BAG2: variants seen among roughly 807,000 people sequenced by gnomAD.
The protein encoded by BAG2 is BAG family molecular chaperone regulator 2.
BAG2 carries 8 observed loss-of-function variants against 16.4 expected under a neutral mutation model. The ratio of observed to expected loss-of-function variants is 0.49; its 90% CI spans 0.29 to 0.88. The LOEUF (loss-of-function observed/expected upper bound fraction) is 0.88. Among genes scored for constraint, BAG2 ranks in the 40% least tolerant of loss-of-function variants. The pLI is 0.09. For missense variants in BAG2, 218 were observed against 248.9 expected (o/e 0.88, Z 0.84); for synonymous variants, 82 against 89.2 (o/e 0.92, Z 0.46).
At chr6:57,179,789 A>G (rs1299914297) in intron 1 of BAG2, among the ~76,000 whole-genome samples, 1 of 152,080 alleles carries the variant, frequency 6.6e-6, no homozygotes, top group Non-Finnish European at 1.5e-5. Context: ...ATGTGTGTGT[A>G]TAGTGTGAGT....
In BAG2 at chr6:57,188,767, T is replaced by TAATG. The variant is rs1379320096; in HGVS notation, c.*4580_*4583dup. 2.6e-5 allele frequency: 4 copies of TAATG among 152,186 alleles called. No homozygotes were observed. Among genetic ancestry groups the TAATG allele is most frequent in the Non-Finnish European group, 5.9e-5 (4 of 68,022 alleles). The allele number at this position is 152,186 out of a possible 1,614,324, so 9.4% of individuals were successfully genotyped here. ...TAGATAATGCCAGATCATTTCAATA[T>TAATG]AATGAAAAGCAAAAATTTACTTTTT... is the stretch of plus-strand genomic sequence containing the variant. On this transcript the variant is annotated 3_prime_UTR_variant, in exon 3 of 3. Transcript: ENST00000370693.
intron 2 of BAG2, among the ~76,000 whole-genome samples, chr6:57,182,735 C>T (rs9357939): frequency 0.089 from 13,541 of 152,154 alleles, 666 homozygotes; most frequent in East Asian, 0.095. Context: ...ACTGCAACCT[C>T]TGCCTCCTGG....
At chr6:57,180,588 T>A (rs549746186) in intron 1 of BAG2, among the ~76,000 whole-genome samples, 56 of 152,192 alleles carry the variant, frequency 3.7e-4, no homozygotes, top group Non-Finnish European at 5.0e-4. Context: ...AAATGGCTAT[T>A]TGGAAGAAAA....
chr6:57,188,867 G>A lies in BAG2; in HGVS notation c.*4677G>A, dbSNP rs1207445849. ...GATCACTTAACAAGGACACACCCAGGAAATTTGATTTTCTCAACATTAGGA... is the reference window on the plus strand; with the variant it reads ...GATCACTTAACAAGGACACACCCAGAAAATTTGATTTTCTCAACATTAGGA... On this transcript the variant is annotated 3_prime_UTR_variant, in exon 3 of 3. Transcript: ENST00000370693. 1 of 152,038 alleles carries A rather than the reference G, an allele frequency of 6.6e-6. No homozygotes were observed. Among genetic ancestry groups the A allele is most frequent in the African/African-American group, 2.4e-5 (1 of 41,404 alleles). 9.4% of individuals were successfully genotyped at this position (152,038 alleles called of 1,614,324 possible). A position where few individuals can be genotyped will look rare whatever the true frequency, so the allele number is the denominator to read the frequency against.
rs1407821086 is a variant in BAG2, at chr6:57,185,564, A to G, written c.*1374A>G. On this transcript the variant is annotated 3_prime_UTR_variant, in exon 3 of 3. Transcript: ENST00000370693. ...AGTCTCTTTATAAAAAGCAGTTACA[A>G]TCTGAAGACATTCATGTTACTTCCT... is the stretch of plus-strand genomic sequence containing the variant. 3 of 152,218 alleles carry G rather than the reference A, an allele frequency of 2.0e-5. No homozygotes were observed. The East Asian group carries it at 5.8e-4, about 29-fold the overall frequency. 9.4% of individuals were successfully genotyped at this position (152,218 alleles called of 1,614,324 possible). A position where few individuals can be genotyped will look rare whatever the true frequency, so the allele number is the denominator to read the frequency against.
chr6:57,183,354 T>C (rs562929580), intron 2 of BAG2, among the ~76,000 whole-genome samples: 2 of 152,352 alleles, frequency 1.3e-5, no homozygotes, highest in East Asian at 3.9e-4. Context: ...CTATCGTGGC[T>C]ACATTTTCTC....
Position 57,185,593 on chromosome 6 carries a change from C to T in BAG2, c.*1403C>T, listed in dbSNP as rs924393448. On this transcript the variant is annotated 3_prime_UTR_variant, in exon 3 of 3. Coordinates refer to ENST00000370693, the MANE Select transcript of BAG2 (RefSeq NM_004282.4). ...GAAGACATTCATGTTACTTCCTTTG[C>T]CAGCTCCAACTCTGCCTTATTTAAA... The T allele has an allele frequency of 6.6e-6, 1 of 152,148 alleles. No homozygotes were observed. Among genetic ancestry groups the T allele is most frequent in the African/African-American group, 2.4e-5 (1 of 41,440 alleles). The allele number at this position is 152,148 out of a possible 1,614,324, so 9.4% of individuals were successfully genotyped here.
chr6:57,175,438 C>G (rs1051380608), intron 1 of BAG2, among the ~76,000 whole-genome samples: 2 of 152,174 alleles, frequency 1.3e-5, no homozygotes, highest in African/African-American at 4.8e-5. Flanking sequence ...CTCTGACCTT[C>G]TTTCACCTGC....
At position 57,185,740 on chromosome 6, in the gene BAG2, C is replaced by A. The variant is rs1394663092; in HGVS notation, c.*1550C>A. The stretch of plus-strand genomic sequence containing the variant: ...TTTGTGTGCATCATTTTTTTCTTGA[C>A]CAGCTTTTTGAAAATTAAGAAATGG... On this transcript the variant is annotated 3_prime_UTR_variant, in exon 3 of 3. Transcript: ENST00000370693. The A allele has an allele frequency of 6.6e-6, 1 of 152,066 alleles. No individual in the cohort carries two copies. The highest frequency in any genetic ancestry group is 1.5e-5 in the Non-Finnish European group (1 of 68,014). 9.4% of individuals were successfully genotyped at this position (152,066 alleles called of 1,614,324 possible). A position where few individuals can be genotyped will look rare whatever the true frequency, so the allele number is the denominator to read the frequency against.
intron 1 of BAG2, among the ~76,000 whole-genome samples, chr6:57,176,058 CCACATATTTGGT>C (rs1400896469): frequency 6.6e-6 from 1 of 152,082 alleles, no homozygotes; most frequent in African/African-American, 2.4e-5. Context: ...TGCAAATCCC[CCACATATTTGGT>C]CACAGCCTTC....
At chr6:57,176,500 T>G (rs764730205) in intron 1 of BAG2, among the ~76,000 whole-genome samples, 17 of 152,156 alleles carry the variant, frequency 1.1e-4, no homozygotes, top group Non-Finnish European at 1.6e-4. Context: ...CCTAGAAAGC[T>G]CAAGATGGTA....
chr6:57,175,882 A>G (rs779897134), intron 1 of BAG2, among the ~76,000 whole-genome samples: 2 of 152,174 alleles, frequency 1.3e-5, no homozygotes, highest in Non-Finnish European at 2.9e-5. Context: ...AAACCCAAAG[A>G]GGGGGACATG....
chr6:57,172,870 G>C (rs765702804), intron 1 of BAG2, 60 bp downstream of exon 1: 1 of 1,347,420 alleles, frequency 7.4e-7, no homozygotes, highest in South Asian at 1.6e-5. Context: ...TTCGCGGGCG[G>C]TTAGCGGACG....
intron 2 of BAG2, among the ~76,000 whole-genome samples, chr6:57,182,636 A>G (rs1324426775): frequency 6.6e-6 from 1 of 151,772 alleles, no homozygotes; most frequent in Non-Finnish European, 1.5e-5. Flanking sequence ...GCATGAATGT[A>G]AAAATGTGCT....
At chr6:57,172,930 A>G (rs541109233) in intron 1 of BAG2, 120 bp downstream of exon 1, 2 of 894,160 alleles carry the variant, frequency 2.2e-6, no homozygotes, top group South Asian at 2.1e-5. Flanking sequence ...GGCTGCGGCA[A>G]CCGAAGTTGC....
intron 1 of BAG2, among the ~76,000 whole-genome samples, chr6:57,175,430 C>T (rs1344345617): frequency 6.6e-6 from 1 of 152,236 alleles, no homozygotes; most frequent in South Asian, 2.1e-4. Context: ...ATCTCTCTCT[C>T]TGACCTTCTT....
chr6:57,188,547 C>CAAAGT lies in BAG2; in HGVS notation c.*4359_*4363dup, dbSNP rs1554307981. 1.3e-5 allele frequency: 2 copies of CAAAGT among 151,954 alleles called. No individual in the cohort carries two copies. The highest frequency in any genetic ancestry group is 6.6e-5 in the Admixed American group (1 of 15,260). The allele number at this position is 151,954 out of a possible 1,614,324, so 9.4% of individuals were successfully genotyped here. A position where few individuals can be genotyped will look rare whatever the true frequency, so the allele number is the denominator to read the frequency against. On this transcript the variant is annotated 3_prime_UTR_variant, in exon 3 of 3. Transcript: ENST00000370693. ...AATAAAGACAAAAGACTATTTGTTG[C>CAAAGT]AAAGTATTATTTTGTGCAAAAATTA...
chr6:57,177,511 CATT>C (rs1593191950), intron 1 of BAG2, among the ~76,000 whole-genome samples: 3 of 152,124 alleles, frequency 2.0e-5, no homozygotes, highest in African/African-American at 7.2e-5. Flanking sequence ...AAATTTTCAT[CATT>C]AATAAATAAG....
In BAG2 at chr6:57,189,298, AC is replaced by A. The variant is rs1304601597; in HGVS notation, c.*5109del. The A allele has an allele frequency of 6.6e-6, 1 of 152,246 alleles. No individual in the cohort carries two copies. Among genetic ancestry groups the A allele is most frequent in the Admixed American group, 6.5e-5 (1 of 15,286 alleles). The allele number at this position is 152,246 out of a possible 1,614,324, so 9.4% of individuals were successfully genotyped here. A position where few individuals can be genotyped will look rare whatever the true frequency, so the allele number is the denominator to read the frequency against. On this transcript the variant is annotated 3_prime_UTR_variant, in exon 3 of 3. Coordinates refer to ENST00000370693, the MANE Select transcript of BAG2 (RefSeq NM_004282.4). ...GTGATTGATAATCTTAAAATACCAT[AC>A]AAAAATGTGTAAACAAAAGGATGGT... is the stretch of plus-strand genomic sequence containing the variant.
Sources: allele counts gnomAD v4.1 joint callset (sites outside exome capture counted in the v4.1 genomes callset), GRCh38; gene constraint gnomAD v4.1.1; transcripts MANE v1.5; gene names NCBI Gene and HGNC (gene_info 2026-07-23, HGNC 2026-07-21).